The following DCBLD1 variants were observed in gnomAD, a reference collection of about 807,000 sequenced individuals.
The protein encoded by DCBLD1 is discoidin, CUB and LCCL domain containing 1, also known as discoidin, CUB and LCCL domain-containing protein 1.
Under a neutral mutation model 71.5 loss-of-function variants are expected in DCBLD1, and 57 were observed. The ratio of observed to expected loss-of-function variants is 0.80; its 90% confidence interval spans 0.64 to 0.99. The LOEUF is 0.99. Ranked by LOEUF, DCBLD1 falls within the 50% of genes least tolerant of loss-of-function variation. The probability of loss-of-function intolerance (pLI) is 0.00; values close to 1 mark genes in which losing one functional copy is unlikely to be tolerated. For synonymous variants in DCBLD1, 380 were observed against 363.8 expected, an observed-to-expected ratio of 1.04 and a Z score of -0.51; for missense variants, 891 against 923.5, an observed-to-expected ratio of 0.96 and a Z score of 0.46.
intron 14 of DCBLD1, chr6:117,563,465 T>A: frequency 7.3e-7 from 1 of 1,373,726 alleles, no homozygotes; most frequent in Non-Finnish European, 1.0e-6. Context: ...CTCATACCTG[T>A]AATCCCAGCA....
chr6:117,548,244 C>G lies in DCBLD1; in HGVS notation c.1953C>G (p.Asp651Glu). Residue 651 changes from aspartate to glutamate, a missense_variant, in exon 15 of 15, where the codon GAC becomes GAG. By Grantham distance (45) the Asp-to-Glu change is conservative. Transcript: ENST00000338728. ...PVAGVGAQDG[D>E]YQRPHSAQPA... The stretch of plus-strand genomic sequence containing the variant: ...CGGGTGTGGGCGCCCAGGACGGAGA[C>G]TATCAAAGGCCACACAGCGCACAGC... 1 of 1,550,630 alleles carries G rather than the reference C, an allele frequency of 6.4e-7. No homozygotes were observed. The highest frequency in any genetic ancestry group is 1.7e-4 in the Middle Eastern group (1 of 5,992).
intron 1 of DCBLD1, among the ~76,000 whole-genome samples, chr6:117,500,705 A>G (rs1777627151): frequency 6.6e-6 from 1 of 152,172 alleles, no homozygotes; most frequent in South Asian, 2.1e-4. Context: ...TCTCTACTAA[A>G]AATACAAAAA....
chr6:117,485,298 G>A (rs6914910), intron 1 of DCBLD1, among the ~76,000 whole-genome samples: 39,297 of 152,128 alleles, frequency 0.26, 5,171 homozygotes, highest in South Asian at 0.37. Context: ...TGTGATTTAA[G>A]TGAAGAATCA....
intron 5 of DCBLD1, among the ~76,000 whole-genome samples, chr6:117,528,243 T>C (rs552569819): frequency 6.6e-6 from 1 of 152,274 alleles, no homozygotes; most frequent in Non-Finnish European, 1.5e-5. Flanking sequence ...AGCATTTCTA[T>C]AAAGAATGCA....
At chr6:117,554,877 G>A (rs931282036) in intron 14 of DCBLD1, among the ~76,000 whole-genome samples, 3 of 140,026 alleles carry the variant, frequency 2.1e-5, no homozygotes, top group Non-Finnish European at 3.0e-5. Context: ...TGGCAACAGA[G>A]CGAGACTCAG....
intron 13 of DCBLD1, 58 bp from the exon 14 acceptor site, chr6:117,545,420 G>A (rs1562124481): frequency 6.3e-7 from 1 of 1,591,846 alleles, no homozygotes; most frequent in Non-Finnish European, 8.6e-7. Context: ...AACATGTTCT[G>A]GAGGACGCGC....
At chr6:117,538,278 A>G (rs1778968304) in intron 7 of DCBLD1, among the ~76,000 whole-genome samples, 1 of 152,252 alleles carries the variant, frequency 6.6e-6, no homozygotes, top group Admixed American at 6.5e-5. Context: ...GAGAAGGAAC[A>G]CATCATTTTA....
At chr6:117,569,680 A>C (rs1303093237) in exon 15 of DCBLD1, 4 of 1,610,554 alleles carry the variant, frequency 2.5e-6, no homozygotes, top group Non-Finnish European at 3.4e-6. Flanking sequence ...ATCTATCAGC[A>C]GGTTGCCCCG....
chr6:117,543,253 C>A lies in DCBLD1; in HGVS notation c.1445+42C>A, dbSNP rs144036209. On this transcript the variant is annotated intron_variant, in intron 12 of 14. Transcript: ENST00000338728. ...TGTTTAAATTTCTTCTCTAATTATG[C>A]GAACAATAAAAAACCAAAAAGTTTA... The A allele has an allele frequency of 3.8e-6, 6 of 1,583,632 alleles. No individual in the cohort carries two copies. In the African/African-American group the frequency reaches 4.0e-5, roughly 11 times the overall value.
In DCBLD1 at chr6:117,548,308, G is replaced by A; in HGVS notation, c.2017G>A (p.Ala673Thr). Residue 673 changes from alanine (A) to threonine (T), a missense_variant, in exon 15 of 15, where the codon GCC becomes ACC. Ala to Thr is a moderately conservative substitution (Grantham distance 58). Coordinates refer to ENST00000338728, the MANE Select transcript of DCBLD1 (RefSeq NM_001366458.2). ...CTACGACCGGCCCAAAGCTGTCAGC[G>A]CCCTCGCCACCGAAAGCGGGCACCC... ...RGYDRPKAVS[A>T]LATESGHPDS... The A allele has an allele frequency of 6.4e-7, 1 of 1,550,644 alleles. No homozygotes were observed. Among genetic ancestry groups the A allele is most frequent in the Non-Finnish European group, 8.7e-7 (1 of 1,146,990 alleles).
intron 11 of DCBLD1, 91 bp downstream of exon 11, chr6:117,541,116 C>T (rs544032490): frequency 1.4e-5 from 16 of 1,165,242 alleles, no homozygotes; most frequent in Non-Finnish European, 1.7e-5. Context: ...TTTTCTCTGT[C>T]ATATAAACAT....
chr6:117,548,424 G>T lies in DCBLD1; in HGVS notation c.2133G>T (p.Met711Ile). 6.4e-7 allele frequency: 1 copy of T among 1,550,674 alleles called. No individual in the cohort carries two copies. Among genetic ancestry groups the T allele is most frequent in the Non-Finnish European group, 8.7e-7 (1 of 1,147,012 alleles). Reference protein sequence around the residue: ...DCLTPLNQTAMTALL With the variant: ...DCLTPLNQTAITALL ...TCACACCCCTCAACCAGACGGCCAT[G>T]ACTGCCCTTTTGTGAACACAATGTG... The change falls in exon 15 of 15, where the codon ATG becomes ATT. Residue 711 changes from methionine to isoleucine, a missense_variant. Transcript: ENST00000338728.
intron 4 of DCBLD1, among the ~76,000 whole-genome samples, chr6:117,525,109 G>A (rs1032031124): frequency 3.0e-4 from 45 of 152,086 alleles, no homozygotes; most frequent in African/African-American, 1.1e-3. Context: ...ATCAAGTAAA[G>A]TGCATTAGGG....
chr6:117,503,275 G>A (rs1777724171), intron 1 of DCBLD1, among the ~76,000 whole-genome samples: 1 of 152,200 alleles, frequency 6.6e-6, no homozygotes, highest in South Asian at 2.1e-4. Context: ...TCAGTCCCCA[G>A]CTAAATGACT....
chr6:117,563,066 T>C, intron 14 of DCBLD1: 4 of 556,892 alleles, frequency 7.2e-6, no homozygotes, highest in Non-Finnish European at 1.3e-5. Context: ...CAATAGCTAA[T>C]TATGGTCTAC....
chr6:117,507,631 C>A (rs1011123944), intron 2 of DCBLD1, among the ~76,000 whole-genome samples: 4 of 152,264 alleles, frequency 2.6e-5, no homozygotes, highest in African/African-American at 7.2e-5. Flanking sequence ...AACTGAGACT[C>A]CCTTTGAAAA....
chr6:117,517,998 T>C (rs1421682041), intron 2 of DCBLD1, among the ~76,000 whole-genome samples: 1 of 152,250 alleles, frequency 6.6e-6, no homozygotes, highest in East Asian at 1.9e-4. Context: ...TGCAGCTGGC[T>C]TGAATTTCTC....
In DCBLD1 at chr6:117,548,091, C is replaced by T. The variant is rs983995636; in HGVS notation, c.1800C>T (p.Tyr600=). 6 of 1,549,326 alleles carry T rather than the reference C, an allele frequency of 3.9e-6. No homozygotes were observed. The highest frequency in any genetic ancestry group is 1.4e-5 in the African/African-American group (1 of 73,018). ...CCCTGGCGCCCCCGGAGCCCGAGTACGCCACGCCCATCGTGGAGCGGCACG... is the reference window on the plus strand; with the variant it reads ...CCCTGGCGCCCCCGGAGCCCGAGTATGCCACGCCCATCGTGGAGCGGCACG... ...ALPLAPPEPE[Y]ATPIVERHVL... The change falls in exon 15 of 15, where the codon TAC becomes TAT. Residue 600 remains tyrosine, a synonymous_variant. Transcript: ENST00000338728.
rs1427732452 is a variant in DCBLD1, at chr6:117,548,103, CGTGGAGCGGCACGTGCT to C, written c.1814_1830del (p.Val605AlafsTer72). ...CGGAGCCCGAGTACGCCACGCCCAT[CGTGGAGCGGCACGTGCT>C]GCGCGCCCACACGTTCTCTGCGCAG... On this transcript the variant is annotated frameshift_variant, in exon 15 of 15. Coordinates refer to ENST00000338728, the MANE Select transcript of DCBLD1 (RefSeq NM_001366458.2). LOFTEE classifies it low-confidence loss of function (END_TRUNC). The C allele has an allele frequency of 6.5e-7, 1 of 1,549,596 alleles. No individual in the cohort carries two copies. The highest frequency in any genetic ancestry group is 8.7e-7 in the Non-Finnish European group (1 of 1,146,460).
Sources: gnomAD v4.1 joint callset for allele counts (sites outside exome capture counted in the v4.1 genomes callset) on GRCh38, gnomAD v4.1.1 for gene constraint, MANE v1.5 for transcripts, NCBI Gene and HGNC (gene_info 2026-07-23, HGNC 2026-07-21) for gene names.